Variants in GPC5 observed in about 807,000 individuals in gnomAD.
The protein encoded by GPC5 is glypican-5.
GPC5 carries 47 observed loss-of-function variants against 53.9 expected under a neutral mutation model. The observed-to-expected ratio is 0.87, with a 90% CI of 0.69 to 1.11. GPC5 has a LOEUF of 1.11. GPC5 is among the 50% of genes most tolerant of loss of function. The pLI, the probability that GPC5 is intolerant of heterozygous loss-of-function variation, is 0.00. For synonymous variants in GPC5, 286 were observed against 263.3 expected (o/e 1.09, Z -0.84); for missense variants, 748 against 713.1 (o/e 1.05, Z -0.56).
At chr13:91,934,663 G>A (rs1481124689) in intron 6 of GPC5, among the ~76,000 whole-genome samples, 2 of 151,880 alleles carry the variant, frequency 1.3e-5, no homozygotes, top group African/African-American at 2.4e-5. Flanking sequence ...AACATGAACA[G>A]CGTCCCAGAA....
intron 7 of GPC5, among the ~76,000 whole-genome samples, chr13:92,695,255 C>T (rs1346110999): frequency 6.6e-6 from 1 of 152,110 alleles, no homozygotes; most frequent in South Asian, 2.1e-4. Context: ...ATTTTTTGCT[C>T]ACTTTTTAAT....
chr13:91,601,132 A>G (rs190124484), intron 2 of GPC5, among the ~76,000 whole-genome samples: 1 of 152,214 alleles, frequency 6.6e-6, no homozygotes, highest in African/African-American at 2.4e-5. Context: ...CTTTGAATGA[A>G]AAATGAAAGT....
intron 7 of GPC5, among the ~76,000 whole-genome samples, chr13:92,526,078 T>C (rs970752853): frequency 6.6e-6 from 1 of 152,116 alleles, no homozygotes; most frequent in African/African-American, 2.4e-5. Flanking sequence ...AAAACCTTCC[T>C]TGACTTCATG....
At chr13:92,239,153 CTT>C (rs370167814) in intron 7 of GPC5, among the ~76,000 whole-genome samples, 4 of 125,830 alleles carry the variant, frequency 3.2e-5, no homozygotes, top group Non-Finnish European at 3.4e-5. Context: ...AGTCTTTCAA[CTT>C]TTTTTTTTTT....
intron 7 of GPC5, among the ~76,000 whole-genome samples, chr13:92,712,062 A>T (rs1364242253): frequency 6.6e-6 from 1 of 151,824 alleles, no homozygotes; most frequent in East Asian, 1.9e-4. Flanking sequence ...ATAAAGCAGA[A>T]ATTAATGAAA....
intron 7 of GPC5, among the ~76,000 whole-genome samples, chr13:92,292,074 C>G (rs1042431258): frequency 6.6e-6 from 1 of 152,226 alleles, no homozygotes; most frequent in Admixed American, 6.5e-5. Flanking sequence ...GTTTCTTTAT[C>G]CACTTGTTGA....
intron 3 of GPC5, among the ~76,000 whole-genome samples, chr13:91,695,202 G>C (rs2139824526): frequency 6.6e-6 from 1 of 152,108 alleles, no homozygotes; most frequent in South Asian, 2.1e-4. Context: ...TAATGGCCTG[G>C]TCTTCTTGTC....
At chr13:91,683,063 G>A (rs1409108478) in intron 2 of GPC5, among the ~76,000 whole-genome samples, 2 of 151,928 alleles carry the variant, frequency 1.3e-5, no homozygotes, top group African/African-American at 4.8e-5. Context: ...CTTTGCATAT[G>A]TGCTTGAATG....
At position 91,658,372 on chromosome 13, in the gene GPC5, T is replaced by C. The variant is rs908473507; in HGVS notation, c.326-34815T>C. Reference sequence around the variant, plus strand: ...CTTGTTTTCAAATTGGATTGTTTCATATTTTGGGGGAATTTTTTGGGGGGA... The same window carrying C: ...CTTGTTTTCAAATTGGATTGTTTCACATTTTGGGGGAATTTTTTGGGGGGA... On this transcript the variant is annotated intron_variant, in intron 2 of 7. Transcript: ENST00000377067. Among the ~76,000 whole-genome samples, 8 of 144,298 alleles carry C rather than the reference T, an allele frequency of 5.5e-5. No homozygotes were observed. In the East Asian group the frequency reaches 1.6e-3, roughly 29 times the overall value. 94.7% of individuals were successfully genotyped at this position (144,298 alleles called of 152,430 possible). A position where few individuals can be genotyped will look rare whatever the true frequency, so the allele number is the denominator to read the frequency against.
At chr13:92,635,525 C>T (rs747810416) in intron 7 of GPC5, among the ~76,000 whole-genome samples, 5 of 152,092 alleles carry the variant, frequency 3.3e-5, no homozygotes, top group South Asian at 2.1e-4. Context: ...TATCAGGAAC[C>T]GGCTCCCAAG....
At chr13:92,189,193 G>T (rs2042205044) in intron 7 of GPC5, among the ~76,000 whole-genome samples, 1 of 152,142 alleles carries the variant, frequency 6.6e-6, no homozygotes, top group Admixed American at 6.5e-5. Context: ...GGGGAGAAAA[G>T]GAACCATTTA....
chr13:91,930,294 G>T (rs1463457060), intron 6 of GPC5, among the ~76,000 whole-genome samples: 1 of 151,836 alleles, frequency 6.6e-6, no homozygotes, highest in African/African-American at 2.4e-5. Context: ...AAAAATTATA[G>T]AAGGTTAGAT....
At chr13:91,865,562 T>C (rs1263105509) in intron 5 of GPC5, among the ~76,000 whole-genome samples, 1 of 152,152 alleles carries the variant, frequency 6.6e-6, no homozygotes. Flanking sequence ...TCTTGTTTTC[T>C]TACAAGTTAA....
At chr13:92,483,626 TTC>T (rs1373826594) in intron 7 of GPC5, among the ~76,000 whole-genome samples, 3 of 151,800 alleles carry the variant, frequency 2.0e-5, no homozygotes, top group East Asian at 1.9e-4. Context: ...TTAAAAATAT[TTC>T]TTTTTCTTCA....
At chr13:92,323,657 T>C (rs2043230912) in intron 7 of GPC5, among the ~76,000 whole-genome samples, 1 of 151,856 alleles carries the variant, frequency 6.6e-6, no homozygotes, top group Admixed American at 6.6e-5. Context: ...AAATAGGACT[T>C]GAAAAGAAAG....
intron 6 of GPC5, among the ~76,000 whole-genome samples, chr13:92,107,515 A>T (rs2041519682): frequency 6.6e-6 from 1 of 152,112 alleles, no homozygotes; most frequent in African/African-American, 2.4e-5. Context: ...AAAACTGTGC[A>T]TATTACTCTG....
chr13:91,654,783 T>C (rs535514051), intron 2 of GPC5, among the ~76,000 whole-genome samples: 35 of 152,322 alleles, frequency 2.3e-4, no homozygotes, highest in Non-Finnish European at 5.0e-4. Context: ...TGGGTGTTTT[T>C]ACCCTATTAT....
At chr13:91,583,018 T>C (rs939266635) in intron 2 of GPC5, among the ~76,000 whole-genome samples, 1 of 151,528 alleles carries the variant, frequency 6.6e-6, no homozygotes, top group Non-Finnish European at 1.5e-5. Context: ...AATAAATAAA[T>C]AAATAAATCT....
chr13:92,608,413 T>G (rs1184031205), intron 7 of GPC5, among the ~76,000 whole-genome samples: 1 of 152,180 alleles, frequency 6.6e-6, no homozygotes, highest in East Asian at 1.9e-4. Flanking sequence ...TAGGAGTACT[T>G]TATTGTCTAT....
Sources: gnomAD v4.1 joint callset for allele counts (sites outside exome capture counted in the v4.1 genomes callset) on GRCh38, gnomAD v4.1.1 for gene constraint, MANE v1.5 for transcripts, NCBI Gene and HGNC (gene_info 2026-07-23, HGNC 2026-07-21) for gene names.